Variants in NOL11 observed in about 807,000 individuals in gnomAD.
NOL11 encodes nucleolar protein 11.
NOL11 carries 42 observed loss-of-function variants against 93.0 expected under a neutral mutation model. The observed-to-expected ratio is 0.45, with a 90% CI of 0.35 to 0.58. NOL11 has a LOEUF of 0.58. NOL11 is among the 20% of genes least tolerant of loss of function. NOL11 has a pLI of 0.00. For missense variants in NOL11, 775 were observed against 841.8 expected, an observed-to-expected ratio of 0.92 and a Z score of 0.98; for synonymous variants, 296 against 293.7, an observed-to-expected ratio of 1.01 and a Z score of -0.08.
At chr17:67,733,658 C>T (rs983053621) in intron 7 of NOL11, among the ~76,000 whole-genome samples, 5 of 152,046 alleles carry the variant, frequency 3.3e-5, no homozygotes, top group Non-Finnish European at 7.4e-5. Context: ...AAGGAAGCTC[C>T]TTCCTTTTTC....
Position 67,724,108 on chromosome 17 carries a change from A to T in NOL11, c.579A>T (p.Thr193=). 1 of 1,587,538 alleles carries T rather than the reference A, an allele frequency of 6.3e-7. No homozygotes were observed. The highest frequency in any genetic ancestry group is 8.6e-7 in the Non-Finnish European group (1 of 1,166,030). ...ACTCACGTATCTTAACCAAATATAC[A>T]CTCTTACTTGGACAAGACGAAAACT... is the stretch of plus-strand genomic sequence containing the variant. ...MFNSRILTKY[T]LLLGQDENSV... The change falls in exon 6 of 18, where the codon ACA becomes ACT. Residue 193 remains threonine, a synonymous_variant. Coordinates refer to ENST00000253247, the MANE Select transcript of NOL11 (RefSeq NM_015462.5).
At chr17:67,738,101 T>A (rs1234418183) in intron 13 of NOL11, 21 bp from the exon 14 acceptor site, 5 of 1,582,000 alleles carry the variant, frequency 3.2e-6, no homozygotes, top group Non-Finnish European at 4.3e-6. Flanking sequence ...ATTAACCTCT[T>A]GCTTTCAACT....
At position 67,738,255 on chromosome 17, in the gene NOL11, G is replaced by C; in HGVS notation, c.1663G>C (p.Asp555His). ...ILQNGFNPEE[D>H]KCNNCDQELN... ...TCAAAATGGCTTCAATCCTGAAGAA[G>C]ATAAATGCAATAACTGTGATCAAGA... The change falls in exon 14 of 18, where the codon GAT becomes CAT. Residue 555 changes from aspartate to histidine, a missense_variant. Asp to His is a moderately conservative substitution (Grantham distance 81). Coordinates refer to ENST00000253247, the MANE Select transcript of NOL11 (RefSeq NM_015462.5). The C allele has an allele frequency of 6.2e-7, 1 of 1,613,744 alleles. No homozygotes were observed. Among genetic ancestry groups the C allele is most frequent in the Non-Finnish European group, 8.5e-7 (1 of 1,179,786 alleles).
Position 67,743,461 on chromosome 17 carries a change from T to C in NOL11, c.1936-18T>C, listed in dbSNP as rs751619593. The C allele has an allele frequency of 8.8e-7, 1 of 1,139,566 alleles. No individual in the cohort carries two copies. The highest frequency in any genetic ancestry group is 1.3e-5 in the South Asian group (1 of 74,566). The allele number at this position is 1,139,566 out of a possible 1,614,324, so 70.6% of individuals were successfully genotyped here. A position where few individuals can be genotyped will look rare whatever the true frequency, so the allele number is the denominator to read the frequency against. On this transcript the variant is annotated intron_variant, in intron 16 of 17. Transcript: ENST00000253247. ...GTTAAATTTAAAATCTTAACTTCCT[T>C]TTCCTATTCATCTTCAGATTATGGA...
rs542978971 is a variant in NOL11 at position 67,737,450 on chromosome 17, A to G, written c.1219-58A>G. The G allele has an allele frequency of 2.2e-4, 305 of 1,373,144 alleles. No homozygotes were observed. The South Asian group carries it at 3.8e-3, about 17-fold the overall frequency. 85.1% of individuals were successfully genotyped at this position (1,373,144 alleles called of 1,614,324 possible). On this transcript the variant is annotated intron_variant, in intron 11 of 17. Coordinates refer to ENST00000253247, the MANE Select transcript of NOL11 (RefSeq NM_015462.5). ...GAAAATGTTGTGCTAGGAAACGTTA[A>G]GTTCAGAGTGACATTCGTTAATGTG...
intron 7 of NOL11, among the ~76,000 whole-genome samples, chr17:67,729,100 GTT>G (rs35495596): frequency 2.1e-5 from 3 of 144,370 alleles, no homozygotes; most frequent in Admixed American, 6.9e-5. Flanking sequence ...TGTTGTTGTT[GTT>G]TTTTTTTTTG....
In NOL11 at chr17:67,734,347, A is replaced by G. The variant is rs773195637; in HGVS notation, c.854-16A>G. Reference sequence around the variant, plus strand: ...ATACTTGGGACTTTTTTCTGAATTTATGTCTTATTTTATAGAATGCCTCTC... The same window carrying G: ...ATACTTGGGACTTTTTTCTGAATTTGTGTCTTATTTTATAGAATGCCTCTC... On this transcript the variant is annotated splice_polypyrimidine_tract_variant and intron_variant, in intron 7 of 17. Coordinates refer to ENST00000253247, the MANE Select transcript of NOL11 (RefSeq NM_015462.5). 10 of 1,476,364 alleles carry G rather than the reference A, an allele frequency of 6.8e-6. No homozygotes were observed. In the East Asian group the frequency reaches 9.1e-5, roughly 13 times the overall value. 91.5% of individuals were successfully genotyped at this position (1,476,364 alleles called of 1,614,324 possible).
intron 7 of NOL11, among the ~76,000 whole-genome samples, chr17:67,728,151 TCGGGAGGCTGAGGCAGGAGAATGG>T (rs757549812): frequency 5.9e-5 from 9 of 151,972 alleles, no homozygotes; most frequent in Admixed American, 2.0e-4. Flanking sequence ...TCCCAGCTAC[TCGGGAGGCTGAGGCAGGAGAATGG>T]CGTGAGCCTG....
chr17:67,740,090 C>T (rs1030911770), intron 16 of NOL11, among the ~76,000 whole-genome samples: 2 of 151,886 alleles, frequency 1.3e-5, no homozygotes, highest in African/African-American at 4.8e-5. Flanking sequence ...ACAAAATCAT[C>T]CAGGCATAGT....
intron 9 of NOL11, 92 bp from the exon 10 acceptor site, chr17:67,736,574 G>A: frequency 4.0e-6 from 3 of 741,108 alleles, no homozygotes; most frequent in Non-Finnish European, 4.6e-6. Context: ...TAAATTGTAT[G>A]AGTGGTTTTT....
At chr17:67,739,816 T>C (rs1331771024) in intron 16 of NOL11, among the ~76,000 whole-genome samples, 1 of 152,246 alleles carries the variant, frequency 6.6e-6, no homozygotes, top group African/African-American at 2.4e-5. Context: ...CGACAGAATT[T>C]TAATTTATCT....
At chr17:67,724,593 A>T (rs984786358) in intron 6 of NOL11, among the ~76,000 whole-genome samples, 2 of 151,934 alleles carry the variant, frequency 1.3e-5, no homozygotes, top group African/African-American at 4.8e-5. Context: ...TGGCCTCCCA[A>T]AGCGCTGGGA....
At chr17:67,719,494 C>T (rs1468297921) in intron 1 of NOL11, 180 bp from the exon 2 acceptor site, 50 of 422,968 alleles carry the variant, frequency 1.2e-4, no homozygotes, top group Non-Finnish European at 3.0e-5. Flanking sequence ...CTCCTGACCT[C>T]GTGATTTGCC....
rs2043186869 is a variant in NOL11 at position 67,717,940 on chromosome 17, T to A, written c.-8T>A. ...GAGTGAGCGCGGCCGTACTTAGGTT[T>A]GCTCAAAATGGCAGCGCTGGAGGAA... On this transcript the variant is annotated 5_prime_UTR_variant, in exon 1 of 18. Transcript: ENST00000253247. 1 of 1,614,102 alleles carries A rather than the reference T, an allele frequency of 6.2e-7. No individual in the cohort carries two copies. Among genetic ancestry groups the A allele is most frequent in the East Asian group, 2.2e-5 (1 of 44,876 alleles).
At chr17:67,734,972 T>A (rs2055188130) in intron 8 of NOL11, among the ~76,000 whole-genome samples, 1 of 152,242 alleles carries the variant, frequency 6.6e-6, no homozygotes, top group African/African-American at 2.4e-5. Context: ...ACAGCTTTTG[T>A]TTTTAGCTGC....
chr17:67,728,740 C>G (rs2055123125), intron 7 of NOL11, among the ~76,000 whole-genome samples: 1 of 152,148 alleles, frequency 6.6e-6, no homozygotes, highest in Admixed American at 6.5e-5. Context: ...GTTTATTCAC[C>G]TACCCAAGAT....
intron 8 of NOL11, 82 bp from the exon 9 acceptor site, chr17:67,735,818 T>C (rs567217462): frequency 1.4e-5 from 16 of 1,120,782 alleles, no homozygotes; most frequent in South Asian, 1.3e-4. Context: ...TGAGCACTTA[T>C]ACAGTGAGTG....
At chr17:67,738,655 G>A (rs1489200181) in intron 14 of NOL11, 1 of 448,146 alleles carries the variant, frequency 2.2e-6, no homozygotes, top group Non-Finnish European at 3.9e-6. Flanking sequence ...AACATGGCGA[G>A]ACCCCCATCT....
rs2055098272 is a variant in NOL11, at chr17:67,726,740, C to T, written c.853+92C>T. 5 of 921,176 alleles carry T rather than the reference C, an allele frequency of 5.4e-6. No individual in the cohort carries two copies. The East Asian group carries it at 8.7e-5, about 16-fold the overall frequency. 57.1% of individuals were successfully genotyped at this position (921,176 alleles called of 1,614,324 possible). On this transcript the variant is annotated intron_variant, in intron 7 of 17. Coordinates refer to ENST00000253247, the MANE Select transcript of NOL11 (RefSeq NM_015462.5). ...CCTTTTCTTTTTCATTTCGTTATTACCCAGACTAATTCATTCTCTTTATCA... is the reference window on the plus strand; with the variant it reads ...CCTTTTCTTTTTCATTTCGTTATTATCCAGACTAATTCATTCTCTTTATCA...
Sources: allele counts gnomAD v4.1 joint callset (sites outside exome capture counted in the v4.1 genomes callset), GRCh38; gene constraint gnomAD v4.1.1; transcripts MANE v1.5; gene names NCBI Gene and HGNC (gene_info 2026-07-23, HGNC 2026-07-21).